Variants in TMEM132D observed in about 807,000 individuals in gnomAD.
TMEM132D encodes mature OL transmembrane protein.
TMEM132D carries 21 observed loss-of-function variants against 62.3 expected under a neutral mutation model. The ratio of observed to expected loss-of-function variants is 0.34; its 90% CI spans 0.24 to 0.49. TMEM132D has a LOEUF of 0.49. Ranked by LOEUF, TMEM132D falls within the 20% of genes least tolerant of loss-of-function variation. TMEM132D has a pLI of 0.99. For synonymous variants in TMEM132D, 621 were observed against 575.6 expected (o/e 1.08, Z -1.13); for missense variants, 1,346 against 1,402.8 (o/e 0.96, Z 0.65).
chr12:129,782,643 C>T (rs1416893218), intron 1 of TMEM132D, among the ~76,000 whole-genome samples: 1 of 152,268 alleles, frequency 6.6e-6, no homozygotes, highest in Admixed American at 6.5e-5. Context: ...GTAAGTCACA[C>T]AGGTGTATTC....
At chr12:129,274,990 A>C (rs940328200) in intron 4 of TMEM132D, among the ~76,000 whole-genome samples, 1 of 152,216 alleles carries the variant, frequency 6.6e-6, no homozygotes, top group East Asian at 1.9e-4. Context: ...TTAAAAGTTG[A>C]GTCCATTGGC....
intron 3 of TMEM132D, among the ~76,000 whole-genome samples, chr12:129,386,552 C>A (rs924925268): frequency 3.4e-4 from 52 of 151,622 alleles, no homozygotes; most frequent in Non-Finnish European, 3.8e-4. Context: ...ATGCCAACAC[C>A]AACCAATACT....
At chr12:129,375,258 G>C (rs996658435) in intron 3 of TMEM132D, among the ~76,000 whole-genome samples, 3 of 152,182 alleles carry the variant, frequency 2.0e-5, no homozygotes, top group Non-Finnish European at 2.9e-5. Flanking sequence ...CAGTACAGCA[G>C]TTACTAAACA....
At chr12:129,884,758 A>T (rs1004315740) in intron 1 of TMEM132D, among the ~76,000 whole-genome samples, 3 of 152,244 alleles carry the variant, frequency 2.0e-5, no homozygotes, top group African/African-American at 7.2e-5. Flanking sequence ...CAGCAATGTC[A>T]TCCCTGGGTA....
intron 2 of TMEM132D, among the ~76,000 whole-genome samples, chr12:129,555,374 G>T (rs977594033): frequency 1.3e-5 from 2 of 152,166 alleles, no homozygotes; most frequent in South Asian, 4.1e-4. Context: ...TGAAAGTTGG[G>T]TCTACAGAAA....
intron 4 of TMEM132D, among the ~76,000 whole-genome samples, chr12:129,255,280 T>C (rs1251014926): frequency 2.6e-5 from 4 of 152,188 alleles, no homozygotes; most frequent in Non-Finnish European, 5.9e-5. Context: ...TTTATAGTAG[T>C]GTGAGAATGG....
chr12:129,450,715 A>G (rs1478518654), intron 3 of TMEM132D, among the ~76,000 whole-genome samples: 2 of 151,494 alleles, frequency 1.3e-5, no homozygotes, highest in Non-Finnish European at 2.9e-5. Flanking sequence ...GAGCACCCAG[A>G]AGGTCATTTC....
At position 129,305,649 on chromosome 12, in the gene TMEM132D, A is replaced by C. The variant is rs113558320; in HGVS notation, c.1299+31985T>G. 3.4e-4 allele frequency among the ~76,000 whole-genome samples: 52 copies of C among 152,348 alleles called. 3 individuals are homozygous for C. Among genetic ancestry groups the C allele is most frequent in the African/African-American group, 1.3e-3 (52 of 41,594 alleles). The stretch of plus-strand genomic sequence containing the variant: ...GTTGATGAAAGGCTACATGCTATGA[A>C]TCTGAGCTCTGGAGCTTGACTGCCC... On this transcript the variant is annotated intron_variant, in intron 4 of 8. Transcript: ENST00000422113.
At chr12:129,714,049 T>C (rs1868472809) in intron 1 of TMEM132D, among the ~76,000 whole-genome samples, 1 of 152,330 alleles carries the variant, frequency 6.6e-6, no homozygotes, top group East Asian at 1.9e-4. Flanking sequence ...TGTGGCATCC[T>C]GCCCTTGCCT....
At chr12:129,715,421 A>G (rs1868535537) in intron 1 of TMEM132D, among the ~76,000 whole-genome samples, 1 of 152,216 alleles carries the variant, frequency 6.6e-6, no homozygotes, top group Admixed American at 6.5e-5. Context: ...CCAGGAGAGA[A>G]TGAAGGAAAA....
chr12:129,723,652 C>T (rs2137246318), intron 1 of TMEM132D, among the ~76,000 whole-genome samples: 1 of 152,332 alleles, frequency 6.6e-6, no homozygotes, highest in Middle Eastern at 3.4e-3. Context: ...TTGTCCCGAC[C>T]CTTGCTCACA....
chr12:129,397,375 CT>C (rs1003657604), intron 3 of TMEM132D, among the ~76,000 whole-genome samples: 4 of 152,114 alleles, frequency 2.6e-5, no homozygotes, highest in Non-Finnish European at 4.4e-5. Flanking sequence ...TAATTGTGGT[CT>C]TGACGAACAA....
chr12:129,874,817 C>T (rs1874365315), intron 1 of TMEM132D, among the ~76,000 whole-genome samples: 1 of 150,776 alleles, frequency 6.6e-6, no homozygotes. Flanking sequence ...TCTCCTGCCT[C>T]AGCCTCCCGA....
intron 2 of TMEM132D, among the ~76,000 whole-genome samples, chr12:129,592,729 C>A (rs1878228351): frequency 6.6e-6 from 1 of 152,064 alleles, no homozygotes; most frequent in Admixed American, 6.6e-5. Flanking sequence ...AAGTAAGATG[C>A]AAAACAAACA....
intron 2 of TMEM132D, among the ~76,000 whole-genome samples, chr12:129,661,495 C>T (rs1880237531): frequency 6.6e-6 from 1 of 152,134 alleles, no homozygotes; most frequent in Admixed American, 6.5e-5. Context: ...CCCTGCAGCC[C>T]CATCAGAAAG....
At chr12:129,767,079 C>A (rs1409194012) in intron 1 of TMEM132D, among the ~76,000 whole-genome samples, 1 of 152,188 alleles carries the variant, frequency 6.6e-6, no homozygotes, top group Admixed American at 6.5e-5. Context: ...GAGCTGTTAC[C>A]CAGCTGCCGC....
At chr12:129,644,273 A>G (rs1236888552) in intron 2 of TMEM132D, among the ~76,000 whole-genome samples, 1 of 152,228 alleles carries the variant, frequency 6.6e-6, no homozygotes, top group Non-Finnish European at 1.5e-5. Flanking sequence ...TTGGCAAAAG[A>G]AACTCTAAAT....
intron 1 of TMEM132D, among the ~76,000 whole-genome samples, chr12:129,874,703 T>TC (rs1420225229): frequency 6.9e-6 from 1 of 145,590 alleles, no homozygotes; most frequent in African/African-American, 2.5e-5. Flanking sequence ...CATTTTTCTT[T>TC]TTTTTTTTTT....
intron 2 of TMEM132D, among the ~76,000 whole-genome samples, chr12:129,636,000 T>G (rs1251658313): frequency 6.6e-6 from 1 of 152,218 alleles, no homozygotes; most frequent in Non-Finnish European, 1.5e-5. Flanking sequence ...TGATTTGCAC[T>G]TGGTTGAAAG....
Sources: gnomAD v4.1 joint callset for allele counts (sites outside exome capture counted in the v4.1 genomes callset) on GRCh38, gnomAD v4.1.1 for gene constraint, MANE v1.5 for transcripts, NCBI Gene and HGNC (gene_info 2026-07-23, HGNC 2026-07-21) for gene names.